LRRIQ1: variants seen among roughly 807,000 people sequenced by gnomAD.
LRRIQ1 encodes the protein leucine rich repeats and IQ motif containing 1.
In LRRIQ1, 210 loss-of-function variants were observed where a neutral mutation model predicts 211.9. That is an observed-to-expected ratio of 0.99 (90% CI 0.89 to 1.11). The LOEUF (loss-of-function observed/expected upper bound fraction) is 1.11. Ranked by LOEUF, LRRIQ1 falls within the 50% of genes most tolerant of loss-of-function variation. LRRIQ1 has a pLI of 0.00. For missense variants in LRRIQ1, 2,136 were observed against 1,939.5 expected (o/e 1.10, Z -1.90); for synonymous variants, 699 against 650.1 (o/e 1.08, Z -1.14).
rs562495171 is a variant in LRRIQ1, at chr12:85,085,966, T to C, written c.2888-12389T>C. Among the ~76,000 whole-genome samples the C allele has an allele frequency of 2.8e-3, 420 of 152,324 alleles. 2 individuals carry two copies. The highest frequency in any genetic ancestry group is 5.1e-3 in the Non-Finnish European group (346 of 68,032). Reference sequence around the variant, plus strand: ...TTAACTATATATTTAGTAATGGTATTGTTGGGTCAAATGGTAGTTCTAATT... The same window carrying C: ...TTAACTATATATTTAGTAATGGTATCGTTGGGTCAAATGGTAGTTCTAATT... On this transcript the variant is annotated intron_variant, in intron 11 of 26. Transcript: ENST00000393217.
chr12:85,043,293 T>C (rs1879118849), intron 3 of LRRIQ1, among the ~76,000 whole-genome samples: 1 of 152,098 alleles, frequency 6.6e-6, no homozygotes, highest in Non-Finnish European at 1.5e-5. Flanking sequence ...TCTGTAGTCA[T>C]CTGAAGGCTT....
intron 24 of LRRIQ1, among the ~76,000 whole-genome samples, chr12:85,215,460 C>G (rs1478620317): frequency 6.6e-6 from 1 of 152,050 alleles, no homozygotes; most frequent in Non-Finnish European, 1.5e-5. Flanking sequence ...GGTATTAAGC[C>G]TAGTACCCAT....
At chr12:85,079,770 T>A (rs955285162) in intron 11 of LRRIQ1, among the ~76,000 whole-genome samples, 7 of 152,154 alleles carry the variant, frequency 4.6e-5, no homozygotes, top group African/African-American at 1.7e-4. Context: ...CCTGCTTTTT[T>A]CTTTTTGCCC....
chr12:85,152,103 T>C (rs1253100359), intron 19 of LRRIQ1, among the ~76,000 whole-genome samples, 177 bp from the exon 20 acceptor site: 1 of 151,762 alleles, frequency 6.6e-6, no homozygotes, highest in African/African-American at 2.4e-5. Context: ...TTATCCCATT[T>C]TTAGCATGTT....
intron 8 of LRRIQ1, among the ~76,000 whole-genome samples, chr12:85,057,877 T>G (rs542332249): frequency 3.3e-5 from 5 of 152,202 alleles, no homozygotes; most frequent in African/African-American, 1.2e-4. Flanking sequence ...TACATATATT[T>G]AGCTAAGGCC....
chr12:85,151,737 A>G (rs1156791710), intron 19 of LRRIQ1, among the ~76,000 whole-genome samples: 1 of 151,586 alleles, frequency 6.6e-6, no homozygotes, highest in African/African-American at 2.4e-5. Flanking sequence ...TTTTTTGAAC[A>G]GTTGAATTAG....
chr12:85,054,313 T>C (rs1163815699), intron 7 of LRRIQ1, among the ~76,000 whole-genome samples: 1 of 152,014 alleles, frequency 6.6e-6, no homozygotes, highest in Non-Finnish European at 1.5e-5. Flanking sequence ...GGAAAAATAG[T>C]GTTGGAAGCA....
chr12:85,178,358 C>T (rs563769148), intron 24 of LRRIQ1, among the ~76,000 whole-genome samples: 8 of 152,148 alleles, frequency 5.3e-5, no homozygotes, highest in South Asian at 4.1e-4. Flanking sequence ...ACCACTATCC[C>T]GTTCATCTGT....
chr12:85,167,980 A>G (rs1382384930), intron 24 of LRRIQ1, among the ~76,000 whole-genome samples: 1 of 152,252 alleles, frequency 6.6e-6, no homozygotes, highest in Non-Finnish European at 1.5e-5. Flanking sequence ...CATGAAGTCA[A>G]TAAATTTTAT....
chr12:85,041,299 G>A lies in LRRIQ1; in HGVS notation c.244+698G>A, dbSNP rs776830972. ...ATGTGTTCTAGTCACTAAGAATACA[G>A]CAGTGAACAAAACAGGCAAAGATTC... On this transcript the variant is annotated intron_variant, in intron 3 of 26. Transcript: ENST00000393217. Among the ~76,000 whole-genome samples the A allele has an allele frequency of 9.4e-4, 142 of 151,790 alleles. 1 individual carries two copies. Among genetic ancestry groups the A allele is most frequent in the Middle Eastern group, 3.4e-3 (1 of 294 alleles).
At chr12:85,176,984 G>A (rs1911524) in intron 24 of LRRIQ1, among the ~76,000 whole-genome samples, 2,640 of 152,120 alleles carry the variant, frequency 0.017, 74 homozygotes, top group African/African-American at 0.061. Flanking sequence ...TTGGAGTTAT[G>A]TAAGACAGAG....
In LRRIQ1 at chr12:85,046,033, T is replaced by C. The variant is rs1387489095; in HGVS notation, c.350T>C (p.Ile117Thr). Residue 117 changes from isoleucine to threonine, a missense_variant, in exon 5 of 27, where the codon ATA becomes ACA. Physicochemically the swap from Ile to Thr is moderately conservative, Grantham distance 89. Transcript: ENST00000393217. ...TTAACCTCTTAGATATTATCTGAAA[T>C]AGAAAAAGAAGAATTTATGAGAAGT... ...SEQLIKILSE[I>T]EKEEFMRSKT... The C allele has an allele frequency of 6.9e-6, 11 of 1,602,518 alleles. No homozygotes were observed. The highest frequency in any genetic ancestry group is 9.4e-6 in the Non-Finnish European group (11 of 1,170,770).
intron 24 of LRRIQ1, 108 bp from the exon 25 acceptor site, chr12:85,229,409 A>G (rs925514428): frequency 2.4e-6 from 2 of 820,904 alleles, no homozygotes; most frequent in Admixed American, 2.8e-5. Flanking sequence ...CTCATAAGTT[A>G]GTATTTTTTT....
intron 24 of LRRIQ1, chr12:85,162,876 T>TA: frequency 2.3e-6 from 1 of 425,856 alleles, no homozygotes; most frequent in Non-Finnish European, 4.6e-6. Context: ...TGCTATAGGT[T>TA]TTTGTTGTTG....
intron 26 of LRRIQ1, among the ~76,000 whole-genome samples, chr12:85,239,356 T>TAC (rs55912271): frequency 0.075 from 10,837 of 145,050 alleles, 403 homozygotes; most frequent in Middle Eastern, 0.15. Context: ...AACTGTTTTA[T>TAC]ACACACACAC....
At chr12:85,219,691 A>G (rs768117984) in intron 24 of LRRIQ1, among the ~76,000 whole-genome samples, 1 of 152,016 alleles carries the variant, frequency 6.6e-6, no homozygotes, top group Non-Finnish European at 1.5e-5. Flanking sequence ...CACTATTCCC[A>G]AAATTTCTGT....
In LRRIQ1 at chr12:85,192,434, A is replaced by G. The variant is rs545629802; in HGVS notation, c.4822+31720A>G. On this transcript the variant is annotated intron_variant, in intron 24 of 26. Coordinates refer to ENST00000393217, the MANE Select transcript of LRRIQ1 (RefSeq NM_001079910.2). ...TAATTATATACATTTATATATATTTATATATAAATGTATATAGTTATATAA... is the reference window on the plus strand; with the variant it reads ...TAATTATATACATTTATATATATTTGTATATAAATGTATATAGTTATATAA... 8.1e-3 allele frequency among the ~76,000 whole-genome samples: 1,068 copies of G among 131,102 alleles called. 14 individuals are homozygous for G. Among genetic ancestry groups the G allele is most frequent in the African/African-American group, 0.028 (992 of 34,904 alleles). The allele number at this position is 131,102 out of a possible 152,430, so 86.0% of individuals were successfully genotyped here.
chr12:85,109,203 G>A (rs1386396318), intron 15 of LRRIQ1, among the ~76,000 whole-genome samples: 1 of 152,136 alleles, frequency 6.6e-6, no homozygotes, highest in Non-Finnish European at 1.5e-5. Flanking sequence ...CTGGGGAATA[G>A]TCTGTCTTCC....
At chr12:85,229,314 G>T (rs1462727806) in intron 24 of LRRIQ1, among the ~76,000 whole-genome samples, 2 of 151,928 alleles carry the variant, frequency 1.3e-5, no homozygotes, top group Non-Finnish European at 2.9e-5. Context: ...AAAATAGATG[G>T]GTTTGAAACC....
Sources: allele counts gnomAD v4.1 joint callset (sites outside exome capture counted in the v4.1 genomes callset), GRCh38; gene constraint gnomAD v4.1.1; transcripts MANE v1.5; gene names NCBI Gene and HGNC (gene_info 2026-07-23, HGNC 2026-07-21).